KCNK13: variants seen among roughly 807,000 people sequenced by gnomAD.
KCNK13 encodes the protein potassium two pore domain channel subfamily K member 13.
KCNK13 carries 12 observed loss-of-function variants against 23.4 expected under a neutral mutation model. That is an observed-to-expected ratio of 0.51 (90% confidence interval 0.33 to 0.83). The LOEUF (loss-of-function observed/expected upper bound fraction) is 0.83, where lower values mean the gene tolerates loss of function less well. Among genes scored for constraint, KCNK13 ranks in the 40% least tolerant of loss-of-function variants. The pLI, the probability that KCNK13 is intolerant of heterozygous loss-of-function variation, is 0.02. For synonymous variants in KCNK13, 231 were observed against 229.5 expected, an observed-to-expected ratio of 1.01 and a Z score of -0.06; for missense variants, 463 against 556.3, an observed-to-expected ratio of 0.83 and a Z score of 1.69.
At chr14:90,119,756 C>T (rs761288048) in intron 1 of KCNK13, among the ~76,000 whole-genome samples, 8 of 152,126 alleles carry the variant, frequency 5.3e-5, no homozygotes, top group Admixed American at 2.0e-4. Flanking sequence ...CCCAACACCA[C>T]GCCTGGCTAA....
chr14:90,185,696 G>A lies in KCNK13; in HGVS notation c.*693G>A, dbSNP rs3088170. Reference sequence around the variant, plus strand: ...AGATGGTGGTGTAGGGGTGTGGGACGGGGAGAGACTCACTTTTGTAACTAA... The same window carrying A: ...AGATGGTGGTGTAGGGGTGTGGGACAGGGAGAGACTCACTTTTGTAACTAA... On this transcript the variant is annotated 3_prime_UTR_variant, in exon 2 of 2. Coordinates refer to ENST00000282146, the MANE Select transcript of KCNK13 (RefSeq NM_022054.4). 97,850 of 152,102 alleles carry A rather than the reference G, an allele frequency of 0.64. 33,469 individuals carry two copies. Among genetic ancestry groups the A allele is most frequent in the East Asian group, 0.97 (5,010 of 5,188 alleles). The allele number at this position is 152,102 out of a possible 1,614,324, so 9.4% of individuals were successfully genotyped here. A position where few individuals can be genotyped will look rare whatever the true frequency, so the allele number is the denominator to read the frequency against.
chr14:90,094,748 C>T (rs1312560991), intron 1 of KCNK13, among the ~76,000 whole-genome samples: 3 of 149,802 alleles, frequency 2.0e-5, no homozygotes, highest in African/African-American at 7.4e-5. Context: ...CCCGGGTTCA[C>T]GCCATTCTCC....
chr14:90,165,152 C>G (rs1215101123), intron 1 of KCNK13, among the ~76,000 whole-genome samples: 2 of 152,104 alleles, frequency 1.3e-5, no homozygotes, highest in Admixed American at 6.6e-5. Context: ...AATAACAACC[C>G]AGGAAAGACC....
chr14:90,159,422 ACAAT>A (rs1279622527), intron 1 of KCNK13, among the ~76,000 whole-genome samples: 1 of 152,196 alleles, frequency 6.6e-6, no homozygotes, highest in Non-Finnish European at 1.5e-5. Context: ...GGCCATAAAC[ACAAT>A]CAATCAGGCA....
intron 1 of KCNK13, among the ~76,000 whole-genome samples, chr14:90,111,188 G>T (rs1389065260): frequency 2.6e-5 from 4 of 152,110 alleles, no homozygotes; most frequent in African/African-American, 9.7e-5. Flanking sequence ...GCAAAACAAA[G>T]CTCTAGTTCT....
At chr14:90,078,499 GGAAA>G (rs1889168742) in intron 1 of KCNK13, among the ~76,000 whole-genome samples, 1 of 149,736 alleles carries the variant, frequency 6.7e-6, no homozygotes, top group Non-Finnish European at 1.5e-5. Context: ...AAAGGAGAAA[GGAAA>G]GAAAGAAAAA....
At chr14:90,087,047 C>T (rs1381709379) in intron 1 of KCNK13, among the ~76,000 whole-genome samples, 3 of 150,482 alleles carry the variant, frequency 2.0e-5, no homozygotes, top group African/African-American at 7.3e-5. Flanking sequence ...TTATCCTTCA[C>T]CCTCACCACT....
chr14:90,087,155 T>TATATA (rs1491402459), intron 1 of KCNK13, among the ~76,000 whole-genome samples: 19 of 79,554 alleles, frequency 2.4e-4, no homozygotes, highest in East Asian at 7.2e-4. Context: ...TATATATATA[T>TATATA]TTTTTTTTTT....
intron 1 of KCNK13, among the ~76,000 whole-genome samples, chr14:90,166,974 G>C (rs1488146916): frequency 6.6e-6 from 1 of 152,204 alleles, no homozygotes; most frequent in Non-Finnish European, 1.5e-5. Context: ...GCATGACACA[G>C]TGAGGTTATT....
At chr14:90,166,023 A>T (rs904209331) in intron 1 of KCNK13, among the ~76,000 whole-genome samples, 1 of 152,222 alleles carries the variant, frequency 6.6e-6, no homozygotes, top group South Asian at 2.1e-4. Context: ...AAGAGTCTCT[A>T]TTTATCATAC....
intron 1 of KCNK13, among the ~76,000 whole-genome samples, chr14:90,148,913 T>C (rs1012300314): frequency 8.5e-5 from 13 of 152,306 alleles, no homozygotes; most frequent in African/African-American, 3.1e-4. Flanking sequence ...GAATTACAAA[T>C]ACACTGTAAA....
At chr14:90,182,619 C>T (rs1421048248) in intron 1 of KCNK13, among the ~76,000 whole-genome samples, 3 of 151,882 alleles carry the variant, frequency 2.0e-5, no homozygotes, top group Admixed American at 6.6e-5. Context: ...ACCAGGAGTT[C>T]GAGGCCAGCC....
intron 1 of KCNK13, among the ~76,000 whole-genome samples, chr14:90,166,906 C>T (rs998129076): frequency 4.6e-5 from 7 of 152,042 alleles, no homozygotes; most frequent in Non-Finnish European, 1.0e-4. Flanking sequence ...GGTCCTTAGA[C>T]CTCATCTGGA....
In KCNK13 at chr14:90,090,834, GC is replaced by G; in HGVS notation, c.334+28297del. 1.3e-5 allele frequency among the ~76,000 whole-genome samples: 2 copies of G among 152,184 alleles called. 1 individual carries two copies. The highest frequency in any genetic ancestry group is 3.8e-4 in the East Asian group (2 of 5,198). On this transcript the variant is annotated intron_variant, in intron 1 of 1. Transcript: ENST00000282146. ...TTCCCTTCACAAGCTCTCTTTGCCT[GC>G]CGCCATCCATGTAAGGCATGACTTG...
rs186902441 is a variant in KCNK13 at position 90,180,174 on chromosome 14, T to G, written c.335-3937T>G. ...TAGGCAAACCACTCAGCTTCTGTAG[T>G]TTTTTTCTCATTTGTCAAATGTAAC... On this transcript the variant is annotated intron_variant, in intron 1 of 1. Transcript: ENST00000282146. Among the ~76,000 whole-genome samples the G allele has an allele frequency of 1.3e-3, 192 of 152,310 alleles. 1 individual carries two copies. The highest frequency in any genetic ancestry group is 4.4e-3 in the African/African-American group (184 of 41,574).
intron 1 of KCNK13, among the ~76,000 whole-genome samples, chr14:90,164,904 TCACTGTATTTGTTCATTTCA>T (rs1427290924): frequency 6.6e-6 from 1 of 152,226 alleles, no homozygotes; most frequent in African/African-American, 2.4e-5. Flanking sequence ...CGTTCATTTC[TCACTGTATTTGTTCATTTCA>T]CACTGTTCAT....
intron 1 of KCNK13, among the ~76,000 whole-genome samples, chr14:90,090,945 C>T (rs1469165867): frequency 2.0e-5 from 3 of 152,128 alleles, no homozygotes; most frequent in Admixed American, 6.5e-5. Flanking sequence ...TTGCCAGTCT[C>T]GGGTACCTTT....
chr14:90,178,007 C>T (rs765180999), intron 1 of KCNK13, among the ~76,000 whole-genome samples: 10 of 152,186 alleles, frequency 6.6e-5, no homozygotes, highest in Non-Finnish European at 1.3e-4. Context: ...TGCAGACACA[C>T]TGCAGACACA....
intron 1 of KCNK13, among the ~76,000 whole-genome samples, chr14:90,126,061 C>T (rs1889796464): frequency 6.6e-6 from 1 of 150,628 alleles, no homozygotes; most frequent in South Asian, 2.1e-4. Context: ...TGGAAAATAA[C>T]TCCAATTATT....
Sources: gnomAD v4.1 joint callset for allele counts (sites outside exome capture counted in the v4.1 genomes callset) on GRCh38, gnomAD v4.1.1 for gene constraint, MANE v1.5 for transcripts, NCBI Gene and HGNC (gene_info 2026-07-23, HGNC 2026-07-21) for gene names.